The following ZNF385C variants were observed in gnomAD, a reference collection of about 807,000 sequenced individuals.
ZNF385C encodes the protein CTD-2132N18.2.
A neutral mutation model predicts 35.4 loss-of-function variants in ZNF385C; 28 were observed. The ratio of observed to expected loss-of-function variants is 0.79; its 90% CI spans 0.59 to 1.08. ZNF385C has a LOEUF of 1.08. Ranked by LOEUF, ZNF385C falls within the 50% of genes least tolerant of loss-of-function variation. ZNF385C has a pLI of 0.00. For synonymous variants in ZNF385C, 248 were observed against 248.2 expected (o/e 1.00, Z 0.01); for missense variants, 605 against 595.6 (o/e 1.02, Z -0.16).
At chr17:42,040,262 G>A (rs1373879723) in intron 2 of ZNF385C, 36 of 1,231,502 alleles carry the variant, frequency 2.9e-5, no homozygotes, top group African/African-American at 4.7e-5. Flanking sequence ...AAGGATCCCC[G>A]GAGCCACTCC....
chr17:42,072,038 A>G (rs1042774143), intron 1 of ZNF385C, among the ~76,000 whole-genome samples: 6 of 152,194 alleles, frequency 3.9e-5, no homozygotes, highest in Non-Finnish European at 8.8e-5. Flanking sequence ...GGGGCGGGAC[A>G]GGAAGTCCTC....
intron 2 of ZNF385C, among the ~76,000 whole-genome samples, chr17:42,046,310 G>A (rs2053159980): frequency 6.6e-6 from 1 of 152,116 alleles, no homozygotes; most frequent in African/African-American, 2.4e-5. Context: ...AAGAATGAAA[G>A]GGCCAGGCAT....
At chr17:42,088,441 C>T (rs1478068739) in intron 1 of ZNF385C, among the ~76,000 whole-genome samples, 4 of 152,264 alleles carry the variant, frequency 2.6e-5, no homozygotes. Flanking sequence ...ACCCAGAGGG[C>T]GGAGCACCGC....
At chr17:42,040,350 G>C in intron 2 of ZNF385C, 1 of 1,231,826 alleles carries the variant, frequency 8.1e-7, no homozygotes, top group Non-Finnish European at 1.0e-6. Flanking sequence ...TGGCGTCAGG[G>C]TCCATGGATG....
At chr17:42,069,427 T>A (rs1199934903) in intron 1 of ZNF385C, among the ~76,000 whole-genome samples, 1 of 152,090 alleles carries the variant, frequency 6.6e-6, no homozygotes. Context: ...GAGGGCTGAA[T>A]GGAGGGGACT....
chr17:42,050,011 C>T lies in ZNF385C; in HGVS notation c.251-12126G>A, dbSNP rs1187894019. On this transcript the variant is annotated intron_variant, in intron 2 of 8. Coordinates refer to ENST00000692273, the MANE Select transcript of ZNF385C (RefSeq NM_001392013.1). The surrounding 1 kb of genome is among the most constrained non-coding windows in gnomAD (Gnocchi z 5.6). Reference sequence around the variant, plus strand: ...AAACAGGTCAAATTCCATTGACATTCTCCCCACCTCAACCTCAAGGAAACA... The same window carrying T: ...AAACAGGTCAAATTCCATTGACATTTTCCCCACCTCAACCTCAAGGAAACA... 3.9e-5 allele frequency among the ~76,000 whole-genome samples: 6 copies of T among 152,234 alleles called. No homozygotes were observed. The highest frequency in any genetic ancestry group is 8.8e-5 in the Non-Finnish European group (6 of 68,044).
At chr17:42,088,880 C>T (rs782654024) in intron 1 of ZNF385C, among the ~76,000 whole-genome samples, 28 of 152,038 alleles carry the variant, frequency 1.8e-4, no homozygotes, top group Non-Finnish European at 3.2e-4. Context: ...GGCTGGAGTG[C>T]AGTGGTGCGA....
At chr17:42,038,328 C>A in intron 2 of ZNF385C, 1 of 432,646 alleles carries the variant, frequency 2.3e-6, no homozygotes, top group Non-Finnish European at 4.1e-6. Context: ...TAACTATCCT[C>A]CCTCCCTCCA....
At chr17:42,033,977 G>T (rs1294517220) in intron 4 of ZNF385C, among the ~76,000 whole-genome samples, 2 of 139,408 alleles carry the variant, frequency 1.4e-5, no homozygotes, top group African/African-American at 6.8e-5. Context: ...AGAGAGGCCT[G>T]GGGGGAAGGA....
At chr17:42,049,417 C>T (rs1483745912) in intron 2 of ZNF385C, among the ~76,000 whole-genome samples, 1 of 152,228 alleles carries the variant, frequency 6.6e-6, no homozygotes, top group East Asian at 1.9e-4. Context: ...CTAACTTCTT[C>T]ATGTCTGAAT....
chr17:42,033,505 T>A (rs2052776782), intron 4 of ZNF385C, among the ~76,000 whole-genome samples: 1 of 152,010 alleles, frequency 6.6e-6, no homozygotes, highest in Non-Finnish European at 1.5e-5. Context: ...AATCCCAGCA[T>A]GTTGGGAGGT....
At chr17:42,048,436 T>G (rs2143734089) in intron 2 of ZNF385C, among the ~76,000 whole-genome samples, 1 of 151,428 alleles carries the variant, frequency 6.6e-6, no homozygotes, top group African/African-American at 2.4e-5. Flanking sequence ...TCCCAGCTAC[T>G]CGGGAAGCTG....
rs1555654531 is a variant in ZNF385C, at chr17:42,028,152, G to A, written c.1062C>T (p.Ala354=). 1 of 1,610,746 alleles carries A rather than the reference G, an allele frequency of 6.2e-7. No individual in the cohort carries two copies. The highest frequency in any genetic ancestry group is 8.5e-7 in the Non-Finnish European group (1 of 1,178,896). ...CGCCCCGGCCCCCTGTGACTCTCTT[G>A]GCTTTGTGTCCGGCACCTCCCCTGG... ...PVSRGGAGHK[A]KRVTGGRGGR... The change falls in exon 7 of 9, where the codon GCC becomes GCT. Residue 354 remains alanine, a synonymous_variant. Transcript: ENST00000692273.
intron 2 of ZNF385C, chr17:42,041,167 T>C (rs2053010420): frequency 1.5e-5 from 18 of 1,232,286 alleles, no homozygotes; most frequent in Non-Finnish European, 1.8e-5. Context: ...GGCCTCTGTG[T>C]GCAAGACACT....
intron 2 of ZNF385C, chr17:42,039,803 C>T: frequency 8.1e-7 from 1 of 1,232,364 alleles, no homozygotes; most frequent in African/African-American, 1.5e-5. Context: ...GGCCCATCCA[C>T]TGCGATCTTC....
chr17:42,071,062 T>C (rs1555658767), intron 1 of ZNF385C, among the ~76,000 whole-genome samples: 1 of 143,494 alleles, frequency 7.0e-6, no homozygotes, highest in Non-Finnish European at 1.5e-5. Flanking sequence ...TGAGATCCCC[T>C]CAGAGGATCC....
Position 42,052,450 on chromosome 17 carries a change from G to C in ZNF385C, c.250+10357C>G, listed in dbSNP as rs200359487. 6.6e-5 allele frequency among the ~76,000 whole-genome samples: 10 copies of C among 152,152 alleles called. No individual in the cohort carries two copies. In the East Asian group the frequency reaches 1.9e-3, roughly 29 times the overall value. ...ACATACATACCTCCCCCCACACTTA[G>C]ACCATGTATTCTATCTACACACGAG... On this transcript the variant is annotated intron_variant, in intron 2 of 8. Coordinates refer to ENST00000692273, the MANE Select transcript of ZNF385C (RefSeq NM_001392013.1).
At chr17:42,030,126 T>G (rs1279742241) in intron 5 of ZNF385C, among the ~76,000 whole-genome samples, 1 of 152,120 alleles carries the variant, frequency 6.6e-6, no homozygotes, top group East Asian at 1.9e-4. Context: ...AAACTACAGC[T>G]ACACGCAAAA....
chr17:42,042,295 G>A (rs1304657030), intron 2 of ZNF385C, among the ~76,000 whole-genome samples: 2 of 152,188 alleles, frequency 1.3e-5, no homozygotes, highest in African/African-American at 4.8e-5. Flanking sequence ...GCTGAGGTAG[G>A]CAGATCACCT....
Sources: allele counts gnomAD v4.1 joint callset (sites outside exome capture counted in the v4.1 genomes callset), GRCh38; gene constraint gnomAD v4.1.1; non-coding constraint Gnocchi (gnomAD v3.1); transcripts MANE v1.5; gene names NCBI Gene and HGNC (gene_info 2026-07-23, HGNC 2026-07-21).